The following DNAI3 variants were observed in gnomAD, a reference collection of about 807,000 sequenced individuals.
DNAI3 encodes the protein WD repeat domain 63.
In DNAI3, 83 loss-of-function variants were observed where a neutral mutation model predicts 115.5. The ratio of observed to expected loss-of-function variants is 0.72; its 90% confidence interval spans 0.60 to 0.86. The LOEUF (loss-of-function observed/expected upper bound fraction) is 0.86, where lower values mean the gene tolerates loss of function less well. Among genes scored for constraint, DNAI3 ranks in the 40% least tolerant of loss-of-function variants. DNAI3 has a pLI of 0.00. For synonymous variants in DNAI3, 320 were observed against 347.0 expected (o/e 0.92, Z 0.86); for missense variants, 1,004 against 1,075.8 (o/e 0.93, Z 0.93).
intron 13 of DNAI3, among the ~76,000 whole-genome samples, chr1:85,103,693 C>T (rs1343887791): frequency 1.3e-5 from 2 of 151,878 alleles, no homozygotes; most frequent in South Asian, 2.1e-4. Context: ...TCCAAACTAG[C>T]CTGGCCAACA....
intron 22 of DNAI3, 144 bp downstream of exon 22, chr1:85,130,256 T>A: frequency 8.4e-7 from 1 of 1,190,368 alleles, no homozygotes; most frequent in Non-Finnish European, 1.2e-6. Context: ...AGGGCATTCC[T>A]TTGATTTCCT....
chr1:85,117,837 C>T lies in DNAI3; in HGVS notation c.1895C>T (p.Thr632Ile). Reference protein sequence around the residue: ...NLLKPIDDFCTKFFVGTEEGE... With the variant: ...NLLKPIDDFCIKFFVGTEEGE... The stretch of plus-strand genomic sequence containing the variant: ...CTCAAGCCAATAGATGACTTCTGCA[C>T]AAAGTTCTTTGTGGGAACAGAGGTA... Residue 632 changes from threonine (T) to isoleucine (I), a missense_variant, in exon 17 of 23, where the codon ACA becomes ATA. Thr to Ile is a moderately conservative substitution (Grantham distance 89, BLOSUM62 -1). This residue lies in a region of DNAI3 where 429 missense variants were observed against 454.3 expected (regional missense o/e 0.94). Coordinates refer to ENST00000294664, the MANE Select transcript of DNAI3 (RefSeq NM_145172.5). 5.6e-6 allele frequency: 9 copies of T among 1,613,130 alleles called. No individual in the cohort carries two copies. The highest frequency in any genetic ancestry group is 1.1e-5 in the South Asian group (1 of 90,976).
chr1:85,110,169 AG>A, intron 16 of DNAI3, 34 bp downstream of exon 16: 2 of 1,485,620 alleles, frequency 1.3e-6, no homozygotes, highest in Non-Finnish European at 9.2e-7. Context: ...AAAAAAAAAA[AG>A]GCCGGGCGCG....
intron 6 of DNAI3, 126 bp from the exon 7 acceptor site, chr1:85,085,705 C>A: frequency 1.4e-6 from 1 of 739,738 alleles, no homozygotes; most frequent in Non-Finnish European, 2.2e-6. Flanking sequence ...GAATGGAAAG[C>A]ATGCAGAGCT....
intron 20 of DNAI3, among the ~76,000 whole-genome samples, chr1:85,127,718 A>C (rs185932606): frequency 6.6e-6 from 1 of 152,306 alleles, no homozygotes; most frequent in East Asian, 1.9e-4. Context: ...CTTTGGTGTA[A>C]AACATTGCTT....
In DNAI3 at chr1:85,108,126, T is replaced by C; in HGVS notation, c.1647T>C (p.Asp549=). ...AGGAAAGTATTGAAATTCCTTTTGA[T>C]GTACCATCTACTTTTTTGCATCTGG... ...KKEESIEIPF[D]VPSTFLHLDL... Residue 549 remains aspartate (D), a synonymous_variant, in exon 15 of 23, where the codon GAT becomes GAC. Coordinates refer to ENST00000294664, the MANE Select transcript of DNAI3 (RefSeq NM_145172.5). The C allele has an allele frequency of 6.2e-7, 1 of 1,609,776 alleles. No homozygotes were observed. Among genetic ancestry groups the C allele is most frequent in the Non-Finnish European group, 8.5e-7 (1 of 1,178,320 alleles).
At chr1:85,075,461 G>A (rs925197755) in intron 3 of DNAI3, among the ~76,000 whole-genome samples, 1 of 152,144 alleles carries the variant, frequency 6.6e-6, no homozygotes, top group Non-Finnish European at 1.5e-5. Flanking sequence ...TGAGACAAGT[G>A]TAGGTTTTGA....
chr1:85,115,967 A>G (rs1655804826), intron 16 of DNAI3, among the ~76,000 whole-genome samples: 3 of 152,108 alleles, frequency 2.0e-5, no homozygotes, highest in Admixed American at 1.3e-4. Context: ...ATTAAATGCT[A>G]TTAACTCAGC....
chr1:85,107,994 G>A (rs1357408360), intron 14 of DNAI3, 39 bp from the exon 15 acceptor site: 9 of 1,422,044 alleles, frequency 6.3e-6, no homozygotes, highest in African/African-American at 1.5e-5. Flanking sequence ...TGCACCTCTT[G>A]TTTGTACTTA....
intron 14 of DNAI3, among the ~76,000 whole-genome samples, chr1:85,107,308 G>A (rs1655516980): frequency 6.6e-6 from 1 of 152,162 alleles, no homozygotes; most frequent in African/African-American, 2.4e-5. Flanking sequence ...AAAAGCTGTG[G>A]TGGGGAGGTG....
At chr1:85,129,114 A>C (rs964495216) in intron 21 of DNAI3, among the ~76,000 whole-genome samples, 1 of 151,790 alleles carries the variant, frequency 6.6e-6, no homozygotes, top group Non-Finnish European at 1.5e-5. Context: ...TTTCAGTGAT[A>C]CCCTTCCCTG....
chr1:85,132,997 A>C lies in DNAI3; in HGVS notation c.2675A>C (p.Ter892SerextTer25). Residue 892 changes from the stop codon to serine (S), a stop_lost, in exon 23 of 23, where the codon TAA becomes TCA. Coordinates refer to ENST00000294664, the MANE Select transcript of DNAI3 (RefSeq NM_145172.5). ...AAGGGGTCATACATGGAGGTGATGTAAAAAAGCTTCCTGAAGGGGTGTTTT... is the reference window on the plus strand; with the variant it reads ...AAGGGGTCATACATGGAGGTGATGTCAAAAAGCTTCCTGAAGGGGTGTTTT... Reference protein sequence around the residue: ...TEKGSYMEVM* With the variant: ...TEKGSYMEVMS 6.3e-7 allele frequency: 1 copy of C among 1,592,426 alleles called. No individual in the cohort carries two copies. The highest frequency in any genetic ancestry group is 2.3e-5 in the East Asian group (1 of 43,280).
intron 15 of DNAI3, 138 bp downstream of exon 15, chr1:85,108,315 TCAAC>T: frequency 1.0e-6 from 1 of 953,072 alleles, no homozygotes; most frequent in Non-Finnish European, 1.5e-6. Context: ...TTGTGTTTAT[TCAAC>T]CAATAAATTC....
chr1:85,109,236 G>A (rs1553167259), intron 15 of DNAI3, among the ~76,000 whole-genome samples: 1 of 152,168 alleles, frequency 6.6e-6, no homozygotes, highest in Non-Finnish European at 1.5e-5. Flanking sequence ...AAACTTGATG[G>A]CTCTCTTTCT....
intron 12 of DNAI3, 83 bp downstream of exon 12, chr1:85,097,738 A>G: frequency 8.1e-7 from 1 of 1,232,702 alleles, no homozygotes; most frequent in South Asian, 1.6e-5. Flanking sequence ...TGCCAAGGCT[A>G]ATAAAAACTC....
chr1:85,098,081 T>G (rs949004735), intron 12 of DNAI3, among the ~76,000 whole-genome samples: 1 of 152,216 alleles, frequency 6.6e-6, no homozygotes, highest in African/African-American at 2.4e-5. Flanking sequence ...TACATCATAT[T>G]TGATGATAAT....
At chr1:85,071,441 A>C (rs536153627) in intron 1 of DNAI3, among the ~76,000 whole-genome samples, 1 of 152,258 alleles carries the variant, frequency 6.6e-6, no homozygotes, top group Non-Finnish European at 1.5e-5. Context: ...TTGTGTTCAC[A>C]TGCTGAGATA....
intron 5 of DNAI3, among the ~76,000 whole-genome samples, chr1:85,082,997 A>G (rs1240244472): frequency 6.6e-6 from 1 of 152,146 alleles, no homozygotes; most frequent in East Asian, 1.9e-4. Context: ...TTTCATGAGG[A>G]TTCATATAGG....
intron 1 of DNAI3, among the ~76,000 whole-genome samples, chr1:85,062,978 A>T (rs547605180): frequency 6.6e-6 from 1 of 152,336 alleles, no homozygotes; most frequent in East Asian, 1.9e-4. Context: ...TGAACAGGGA[A>T]CACAAACTCT....
Sources: allele counts gnomAD v4.1 joint callset (sites outside exome capture counted in the v4.1 genomes callset), GRCh38; gene constraint gnomAD v4.1.1; regional missense constraint gnomAD v4.1.1; transcripts MANE v1.5; gene names NCBI Gene and HGNC (gene_info 2026-07-23, HGNC 2026-07-21).